NRG3: variants seen among roughly 807,000 people sequenced by gnomAD.
The protein encoded by NRG3 is pro-neuregulin-3, membrane-bound isoform.
Under a neutral mutation model 66.9 loss-of-function variants are expected in NRG3, and 31 were observed. The observed-to-expected ratio is 0.46, with a 90% CI of 0.35 to 0.63. NRG3 has a LOEUF of 0.63. NRG3 is among the 20% of genes least tolerant of loss of function. NRG3 has a pLI of 0.00. For missense variants in NRG3, 910 were observed against 878.9 expected (o/e 1.04, Z -0.45); for synonymous variants, 393 against 359.4 (o/e 1.09, Z -1.06).
chr10:82,764,234 C>T (rs1704065518), intron 3 of NRG3, among the ~76,000 whole-genome samples: 2 of 151,816 alleles, frequency 1.3e-5, no homozygotes, highest in African/African-American at 4.8e-5. Flanking sequence ...GGGGTTTTGC[C>T]ATGTTGACCA....
chr10:82,861,219 TG>T lies in NRG3; in HGVS notation c.1028-4191del, dbSNP rs527784393. On this transcript the variant is annotated intron_variant, in intron 3 of 8. Transcript: ENST00000372141. ...GAAAGAAAGAGAAAAATAATTTACA[TG>T]AGAGTTAACTTTTTATTTGTATGTC... Among the ~76,000 whole-genome samples the T allele has an allele frequency of 2.1e-3, 327 of 152,240 alleles. 3 individuals carry two copies. Among genetic ancestry groups the T allele is most frequent in the African/African-American group, 7.6e-3 (316 of 41,556 alleles).
intron 2 of NRG3, among the ~76,000 whole-genome samples, chr10:82,547,248 A>G (rs2043977215): frequency 6.6e-6 from 1 of 151,890 alleles, no homozygotes; most frequent in South Asian, 2.1e-4. Context: ...ACATAATTTA[A>G]TTTTATCCAC....
chr10:81,926,079 A>G (rs1455373807), intron 1 of NRG3, among the ~76,000 whole-genome samples: 1 of 152,090 alleles, frequency 6.6e-6, no homozygotes, highest in South Asian at 2.1e-4. Context: ...TTTAAAGAAA[A>G]TTTGTAGAAG....
chr10:82,509,829 C>T (rs1033731131), intron 2 of NRG3, among the ~76,000 whole-genome samples: 2 of 152,180 alleles, frequency 1.3e-5, no homozygotes, highest in African/African-American at 4.8e-5. Flanking sequence ...GGTCAACCTC[C>T]TGTCACCTTT....
At chr10:82,384,846 A>G (rs752973335) in intron 2 of NRG3, among the ~76,000 whole-genome samples, 2 of 152,206 alleles carry the variant, frequency 1.3e-5, no homozygotes. Context: ...TCTTTGAGGA[A>G]TTGCCATACT....
At chr10:82,582,260 A>G (rs985585593) in intron 2 of NRG3, among the ~76,000 whole-genome samples, 1 of 152,112 alleles carries the variant, frequency 6.6e-6, no homozygotes, top group Non-Finnish European at 1.5e-5. Context: ...CAAATTCCAT[A>G]TCATCAGAAA....
rs567590106 is a variant in NRG3 at position 82,919,464 on chromosome 10, T to C, written c.1055-32005T>C. ...AAAAGGTACTCTGAACACATGGGAG[T>C]GATGATAGAGTCTATGCATCCCAGG... On this transcript the variant is annotated intron_variant, in intron 4 of 8. Transcript: ENST00000372141. 3.3e-5 allele frequency among the ~76,000 whole-genome samples: 5 copies of C among 152,140 alleles called. No individual in the cohort carries two copies. In the East Asian group the frequency reaches 7.8e-4, roughly 24 times the overall value.
rs946598891 is a variant in NRG3, at chr10:82,243,917, T to A, written c.824-114822T>A. Among the ~76,000 whole-genome samples the A allele has an allele frequency of 2.0e-5, 3 of 152,140 alleles. No individual in the cohort carries two copies. The South Asian group carries it at 6.2e-4, about 31-fold the overall frequency. On this transcript the variant is annotated intron_variant, in intron 1 of 8. Transcript: ENST00000372141. ...CAAGGATAGCATTTAATAGGAGAAA[T>A]TTCTGCTTGAGGTGAAGATCTGTCT...
At chr10:82,921,285 A>G (rs1373220553) in intron 4 of NRG3, among the ~76,000 whole-genome samples, 2 of 152,158 alleles carry the variant, frequency 1.3e-5, no homozygotes, top group African/African-American at 4.8e-5. Flanking sequence ...AGTAATTCTC[A>G]AAAGTGTCAA....
At chr10:82,500,690 CT>C (rs983549137) in intron 2 of NRG3, among the ~76,000 whole-genome samples, 2 of 152,124 alleles carry the variant, frequency 1.3e-5, no homozygotes, top group African/African-American at 4.8e-5. Context: ...GACTATGCTG[CT>C]TTGGGTAGGA....
intron 4 of NRG3, among the ~76,000 whole-genome samples, chr10:82,900,768 G>A (rs1268705452): frequency 3.3e-5 from 5 of 152,132 alleles, no homozygotes; most frequent in Admixed American, 2.0e-4. Context: ...AAATGGTAGA[G>A]CTGAAAATGT....
intron 1 of NRG3, among the ~76,000 whole-genome samples, chr10:81,969,448 A>C (rs537652931): frequency 1.3e-5 from 2 of 152,224 alleles, no homozygotes; most frequent in African/African-American, 2.4e-5. Flanking sequence ...TTACTGGTGT[A>C]GACAGGAGGG....
intron 2 of NRG3, among the ~76,000 whole-genome samples, chr10:82,363,836 A>G (rs1288842976): frequency 6.6e-6 from 1 of 152,196 alleles, no homozygotes; most frequent in Non-Finnish European, 1.5e-5. Flanking sequence ...TTTAACAAGT[A>G]TGAATTATGA....
intron 1 of NRG3, among the ~76,000 whole-genome samples, chr10:82,348,427 T>C (rs7083938): frequency 0.35 from 50,766 of 143,062 alleles, 13,253 homozygotes; most frequent in African/African-American, 0.75. Flanking sequence ...GGGTTTCTGC[T>C]GAGAGATCCG....
At chr10:82,954,245 T>G (rs992906216) in intron 5 of NRG3, among the ~76,000 whole-genome samples, 1 of 151,986 alleles carries the variant, frequency 6.6e-6, no homozygotes, top group Admixed American at 6.5e-5. Flanking sequence ...CACTTATTTT[T>G]ACAGTATAAT....
At chr10:82,794,147 T>A (rs1015544183) in intron 3 of NRG3, among the ~76,000 whole-genome samples, 3 of 152,200 alleles carry the variant, frequency 2.0e-5, no homozygotes, top group South Asian at 2.1e-4. Context: ...TTGTTCTATG[T>A]TTGGAGCATA....
intron 2 of NRG3, among the ~76,000 whole-genome samples, chr10:82,423,846 C>G (rs1158201813): frequency 6.6e-6 from 1 of 151,986 alleles, no homozygotes; most frequent in Admixed American, 6.6e-5. Flanking sequence ...CACTAATCTA[C>G]GTATGTATTT....
chr10:82,113,673 T>C (rs1312144899), intron 1 of NRG3, among the ~76,000 whole-genome samples: 1 of 152,294 alleles, frequency 6.6e-6, no homozygotes, highest in East Asian at 1.9e-4. Flanking sequence ...ATAAGGTCTA[T>C]AGTTTAGCTC....
At chr10:82,274,866 A>G (rs1230373541) in intron 1 of NRG3, among the ~76,000 whole-genome samples, 1 of 151,974 alleles carries the variant, frequency 6.6e-6, no homozygotes, top group Non-Finnish European at 1.5e-5. Flanking sequence ...CAGACAAGAC[A>G]GAATAAACCT....
Sources: allele counts gnomAD v4.1 joint callset (sites outside exome capture counted in the v4.1 genomes callset), GRCh38; gene constraint gnomAD v4.1.1; transcripts MANE v1.5; gene names NCBI Gene and HGNC (gene_info 2026-07-23, HGNC 2026-07-21).